The following AGBL1 variants were observed in gnomAD, a reference collection of about 807,000 sequenced individuals.
AGBL1 encodes AGBL carboxypeptidase 1.
In AGBL1, 130 loss-of-function variants were observed where a neutral mutation model predicts 118.9. The ratio of observed to expected loss-of-function variants is 1.09; its 90% CI spans 0.95 to 1.26. The LOEUF (loss-of-function observed/expected upper bound fraction) is 1.26, where lower values mean the gene tolerates loss of function less well. Among genes scored for constraint, AGBL1 ranks in the 50% most tolerant of loss-of-function variants. The pLI, the probability that AGBL1 is intolerant of heterozygous loss-of-function variation, is 0.00. For missense variants in AGBL1, 1,584 were observed against 1,298.1 expected (o/e 1.22, Z -3.38); for synonymous variants, 555 against 478.9 (o/e 1.16, Z -2.08).
chr15:86,717,374 G>A (rs1452300540), intron 22 of AGBL1, among the ~76,000 whole-genome samples: 2 of 152,128 alleles, frequency 1.3e-5, no homozygotes, highest in African/African-American at 4.8e-5. Context: ...ACTAAACCCA[G>A]GGGAGAATGC....
intron 23 of AGBL1, among the ~76,000 whole-genome samples, chr15:86,940,252 A>G (rs1567250160): frequency 6.6e-6 from 1 of 151,404 alleles, no homozygotes; most frequent in South Asian, 2.1e-4. Context: ...CTTGTTTGAA[A>G]CACACTTTCT....
chr15:86,655,578 G>A (rs1179109989), intron 21 of AGBL1, among the ~76,000 whole-genome samples: 2 of 151,826 alleles, frequency 1.3e-5, no homozygotes, highest in Non-Finnish European at 2.9e-5. Context: ...TGTGTACATC[G>A]TACCTCTAGG....
At chr15:86,583,125 G>A (rs1405650133) in intron 21 of AGBL1, among the ~76,000 whole-genome samples, 4 of 151,538 alleles carry the variant, frequency 2.6e-5, no homozygotes, top group African/African-American at 7.3e-5. Flanking sequence ...AAGAGGAAAA[G>A]TATTTTTAGA....
intron 21 of AGBL1, among the ~76,000 whole-genome samples, chr15:86,609,038 C>T (rs915672747): frequency 3.3e-5 from 5 of 152,118 alleles, no homozygotes; most frequent in African/African-American, 1.2e-4. Context: ...AAGTACGTGA[C>T]TTTTTTGCTT....
intron 24 of AGBL1, among the ~76,000 whole-genome samples, chr15:87,024,418 C>T (rs969935317): frequency 6.6e-6 from 1 of 151,830 alleles, no homozygotes; most frequent in African/African-American, 2.4e-5. Context: ...ACTCTCCTAG[C>T]ATAACTCAGG....
intron 22 of AGBL1, among the ~76,000 whole-genome samples, chr15:86,683,505 A>G (rs899744557): frequency 6.6e-6 from 1 of 152,186 alleles, no homozygotes; most frequent in African/African-American, 2.4e-5. Flanking sequence ...CTATTTTACA[A>G]GTGACTCCAT....
intron 23 of AGBL1, among the ~76,000 whole-genome samples, chr15:86,959,140 C>A (rs1484964189): frequency 6.6e-6 from 1 of 152,076 alleles, no homozygotes; most frequent in Non-Finnish European, 1.5e-5. Context: ...AAAAAGACTT[C>A]TGAAGCTAAT....
At chr15:86,117,767 C>A (rs1235779323) in intron 1 of AGBL1, among the ~76,000 whole-genome samples, 1 of 152,120 alleles carries the variant, frequency 6.6e-6, no homozygotes, top group African/African-American at 2.4e-5. Flanking sequence ...AAAGTAACAA[C>A]AACAACTAAG....
intron 23 of AGBL1, among the ~76,000 whole-genome samples, chr15:86,944,429 A>G (rs770169966): frequency 6.6e-6 from 1 of 152,194 alleles, no homozygotes; most frequent in Non-Finnish European, 1.5e-5. Context: ...ATGGCCGACC[A>G]GCATGTGCAG....
At chr15:86,622,384 T>G (rs1567087816) in intron 21 of AGBL1, among the ~76,000 whole-genome samples, 1 of 151,082 alleles carries the variant, frequency 6.6e-6, no homozygotes, top group African/African-American at 2.4e-5. Context: ...ACAGGCCTAT[T>G]TTTTTCAGTC....
intron 22 of AGBL1, among the ~76,000 whole-genome samples, chr15:86,812,923 G>A (rs989467052): frequency 1.3e-5 from 2 of 151,860 alleles, no homozygotes; most frequent in Non-Finnish European, 2.9e-5. Flanking sequence ...CCATGTTAAA[G>A]GAGAGATTTT....
chr15:86,479,571 C>A (rs1596168688), intron 18 of AGBL1, among the ~76,000 whole-genome samples: 1 of 152,148 alleles, frequency 6.6e-6, no homozygotes, highest in East Asian at 1.9e-4. Flanking sequence ...ATTAAAAAGT[C>A]AGGAAACAAC....
At chr15:86,393,776 C>T (rs954830790) in intron 17 of AGBL1, among the ~76,000 whole-genome samples, 1 of 152,030 alleles carries the variant, frequency 6.6e-6, no homozygotes, top group Non-Finnish European at 1.5e-5. Flanking sequence ...TATGTCCTCC[C>T]AAAATTATAT....
intron 22 of AGBL1, among the ~76,000 whole-genome samples, chr15:86,730,222 C>T (rs1473639133): frequency 6.6e-6 from 1 of 152,078 alleles, no homozygotes; most frequent in East Asian, 1.9e-4. Flanking sequence ...ATGACCAAGT[C>T]TTCAAAAGCA....
chr15:86,200,637 A>G (rs1273969062), intron 5 of AGBL1, among the ~76,000 whole-genome samples: 1 of 115,158 alleles, frequency 8.7e-6, no homozygotes, highest in Non-Finnish European at 1.7e-5. Context: ...TTTTTTTGAG[A>G]TGGAGTCTCG....
At chr15:86,809,261 T>TATAACTGG (rs2078758073) in intron 22 of AGBL1, among the ~76,000 whole-genome samples, 1 of 152,284 alleles carries the variant, frequency 6.6e-6, no homozygotes, top group Admixed American at 6.5e-5. Flanking sequence ...TTTCTACTTT[T>TATAACTGG]ATAACTGGTT....
chr15:86,823,136 A>T (rs2078964450), intron 22 of AGBL1, among the ~76,000 whole-genome samples: 1 of 152,144 alleles, frequency 6.6e-6, no homozygotes, highest in Non-Finnish European at 1.5e-5. Context: ...ACCTTATAAA[A>T]GCTTTTAGTA....
intron 18 of AGBL1, among the ~76,000 whole-genome samples, chr15:86,455,029 C>T (rs939943578): frequency 1.3e-5 from 2 of 152,268 alleles, no homozygotes; most frequent in Non-Finnish European, 2.9e-5. Flanking sequence ...GACCATTTAC[C>T]CATCAGGAGA....
chr15:86,639,266 C>T (rs2085153194), intron 21 of AGBL1, among the ~76,000 whole-genome samples: 1 of 152,126 alleles, frequency 6.6e-6, no homozygotes, highest in South Asian at 2.1e-4. Context: ...GGAAGTCTGC[C>T]TACCACAATG....
Sources: gnomAD v4.1 joint callset for allele counts (sites outside exome capture counted in the v4.1 genomes callset) on GRCh38, gnomAD v4.1.1 for gene constraint, MANE v1.5 for transcripts, NCBI Gene and HGNC (gene_info 2026-07-23, HGNC 2026-07-21) for gene names.